Variants in VPS54 observed in about 807,000 individuals in gnomAD.
VPS54 encodes vacuolar protein sorting-associated protein 54.
Under a neutral mutation model 121.5 loss-of-function variants are expected in VPS54, and 45 were observed. The observed-to-expected ratio is 0.37, with a 90% CI of 0.29 to 0.47. The LOEUF (loss-of-function observed/expected upper bound fraction) is 0.47, where lower values mean the gene tolerates loss of function less well. VPS54 is among the 20% of genes least tolerant of loss of function. The pLI, the probability that VPS54 is intolerant of heterozygous loss-of-function variation, is 0.99. For missense variants in VPS54, 1,090 were observed against 1,131.4 expected, an observed-to-expected ratio of 0.96 and a Z score of 0.52; for synonymous variants, 371 against 385.8, an observed-to-expected ratio of 0.96 and a Z score of 0.45.
chr2:63,920,086 G>C, intron 14 of VPS54, 91 bp from the exon 15 acceptor site: 1 of 1,077,888 alleles, frequency 9.3e-7, no homozygotes, highest in Non-Finnish European at 1.3e-6. Context: ...AGCTGAGTGA[G>C]AACATAAGAC....
At chr2:63,988,144 CA>C (rs1677142035) in intron 1 of VPS54, among the ~76,000 whole-genome samples, 1 of 152,182 alleles carries the variant, frequency 6.6e-6, no homozygotes, top group Non-Finnish European at 1.5e-5. Context: ...AGTGTGATAA[CA>C]GCTATGGGTC....
At chr2:63,921,859 C>G (rs1673662091) in intron 12 of VPS54, among the ~76,000 whole-genome samples, 1 of 152,158 alleles carries the variant, frequency 6.6e-6, no homozygotes, top group Admixed American at 6.5e-5. Context: ...GGTTCAGACT[C>G]CAATTGGAAA....
intron 12 of VPS54, among the ~76,000 whole-genome samples, chr2:63,924,744 C>T (rs564804165): frequency 1.3e-4 from 20 of 152,170 alleles, no homozygotes; most frequent in South Asian, 8.3e-4. Flanking sequence ...GAAAAATGAA[C>T]GAAATAGAGT....
At chr2:64,010,364 A>T (rs1266853818) in intron 1 of VPS54, among the ~76,000 whole-genome samples, 1 of 152,322 alleles carries the variant, frequency 6.6e-6, no homozygotes, top group African/African-American at 2.4e-5. Flanking sequence ...CCAAATTTAC[A>T]AGTACTGATA....
chr2:63,989,424 C>T (rs900125547), intron 1 of VPS54, among the ~76,000 whole-genome samples: 2 of 152,182 alleles, frequency 1.3e-5, no homozygotes, highest in African/African-American at 4.8e-5. Flanking sequence ...ATGTCTCCCC[C>T]AGATACCCAG....
intron 1 of VPS54, among the ~76,000 whole-genome samples, chr2:63,992,947 A>G (rs1196765539): frequency 6.6e-6 from 1 of 152,214 alleles, no homozygotes; most frequent in Admixed American, 6.5e-5. Flanking sequence ...ATAGCCCTAC[A>G]ATCTGCCAGC....
chr2:63,901,806 AG>A (rs1406426943), intron 20 of VPS54, among the ~76,000 whole-genome samples: 1 of 152,156 alleles, frequency 6.6e-6, no homozygotes, highest in African/African-American at 2.4e-5. Flanking sequence ...ACCTGAGGTC[AG>A]GAGTTTGAGA....
chr2:63,953,290 C>A (rs186351927), intron 7 of VPS54, among the ~76,000 whole-genome samples: 86 of 152,036 alleles, frequency 5.7e-4, no homozygotes, highest in Non-Finnish European at 1.0e-3. Context: ...CACCACCACA[C>A]CCAGCTAATT....
intron 1 of VPS54, among the ~76,000 whole-genome samples, chr2:64,017,565 C>T (rs1167206024): frequency 6.6e-6 from 1 of 152,058 alleles, no homozygotes; most frequent in Non-Finnish European, 1.5e-5. Context: ...CTTCAGAAAG[C>T]CAAATGCTGT....
At chr2:63,897,389 T>C (rs1251366442) in intron 22 of VPS54, 107 bp downstream of exon 22, 7 of 712,442 alleles carry the variant, frequency 9.8e-6, no homozygotes, top group Non-Finnish European at 1.4e-5. Context: ...TTTTACAACG[T>C]TGGTCTTCAG....
intron 1 of VPS54, among the ~76,000 whole-genome samples, chr2:63,989,293 T>C (rs774927522): frequency 3.9e-5 from 6 of 152,170 alleles, no homozygotes; most frequent in Non-Finnish European, 7.4e-5. Flanking sequence ...TTTGTTGCCC[T>C]TGAAGCACGT....
At position 63,974,960 on chromosome 2, in the gene VPS54, G is replaced by T. The variant is rs768883285; in HGVS notation, c.379-2716C>A. The stretch of plus-strand genomic sequence containing the variant: ...TAGGACTTCCAAGACAATGTTAAAA[G>T]AAACAGTGACAGGGGACATCCTTAC... On this transcript the variant is annotated intron_variant, in intron 3 of 22. Transcript: ENST00000272322. 4 of 1,541,528 alleles carry T rather than the reference G, an allele frequency of 2.6e-6. No homozygotes were observed. In the South Asian group the frequency reaches 4.9e-5, roughly 19 times the overall value.
intron 7 of VPS54, 61 bp downstream of exon 7, chr2:63,961,997 C>A: frequency 6.9e-7 from 1 of 1,446,868 alleles, no homozygotes; most frequent in Non-Finnish European, 9.2e-7. Context: ...ACATTACATG[C>A]TCAATTTTAT....
In VPS54 at chr2:63,907,140, A is replaced by C. The variant is rs1672934762; in HGVS notation, c.2625+5205T>G. On this transcript the variant is annotated intron_variant, in intron 20 of 22. Transcript: ENST00000272322. Reference sequence around the variant, plus strand: ...GCATTATATATAAATATCAACTAGAAATGAATCATAGCCTTAAATATAAAA... The same window carrying C: ...GCATTATATATAAATATCAACTAGACATGAATCATAGCCTTAAATATAAAA... Among the ~76,000 whole-genome samples the C allele has an allele frequency of 1.3e-5, 2 of 152,180 alleles. 1 individual carries two copies. The highest frequency in any genetic ancestry group is 3.8e-4 in the East Asian group (2 of 5,200).
At chr2:63,928,880 C>T (rs12713499) in intron 12 of VPS54, among the ~76,000 whole-genome samples, 145,152 of 150,760 alleles carry the variant, frequency 0.96, 69,882 homozygotes, top group South Asian at 0.99. Context: ...TGGTCTCTGA[C>T]GAAACAGACT....
chr2:63,959,156 A>G (rs114743138), intron 7 of VPS54, among the ~76,000 whole-genome samples: 1,672 of 152,336 alleles, frequency 0.011, 41 homozygotes, highest in African/African-American at 0.038. Flanking sequence ...GTGAAACTAT[A>G]TAAGAAAGTA....
At chr2:63,901,055 C>T (rs149945443) in intron 20 of VPS54, among the ~76,000 whole-genome samples, 14 of 152,284 alleles carry the variant, frequency 9.2e-5, no homozygotes, top group South Asian at 6.2e-4. Flanking sequence ...CCACCACGTC[C>T]GACCTCAAAT....
intron 9 of VPS54, among the ~76,000 whole-genome samples, chr2:63,947,109 G>C (rs1675014166): frequency 6.6e-6 from 1 of 151,794 alleles, no homozygotes; most frequent in Non-Finnish European, 1.5e-5. Flanking sequence ...ATAATAATAT[G>C]AGAAACTGCT....
At position 63,892,558 on chromosome 2, in the gene VPS54, A is replaced by G. The variant is rs917261548; in HGVS notation, c.*872T>C. 1 of 152,628 alleles carries G rather than the reference A, an allele frequency of 6.6e-6. No homozygotes were observed. Among genetic ancestry groups the G allele is most frequent in the African/African-American group, 2.4e-5 (1 of 41,446 alleles). The allele number at this position is 152,628 out of a possible 1,614,324, so 9.5% of individuals were successfully genotyped here. On this transcript the variant is annotated 3_prime_UTR_variant, in exon 23 of 23. Transcript: ENST00000272322. ...TACTTCATATGTTATCTAAATGTTA[A>G]TATGAGAACTCAAAAGTAGGCAGAT...
Sources: gnomAD v4.1 joint callset for allele counts (sites outside exome capture counted in the v4.1 genomes callset) on GRCh38, gnomAD v4.1.1 for gene constraint, MANE v1.5 for transcripts, NCBI Gene and HGNC (gene_info 2026-07-23, HGNC 2026-07-21) for gene names.